The following ZNF157 variants were observed in gnomAD, a reference collection of about 807,000 sequenced individuals.
The protein encoded by ZNF157 is zinc finger protein 22.
In ZNF157, 8 loss-of-function variants were observed where a neutral mutation model predicts 9.4. That is an observed-to-expected ratio of 0.85 (90% CI 0.50 to 1.53). The LOEUF (loss-of-function observed/expected upper bound fraction) is 1.53, where lower values mean the gene tolerates loss of function less well. ZNF157 is among the 40% of genes most tolerant of loss of function. The probability of loss-of-function intolerance (pLI) is 0.00; values close to 1 mark genes in which losing one functional copy is unlikely to be tolerated. For synonymous variants in ZNF157, 120 were observed against 130.8 expected (o/e 0.92, Z 0.56); for missense variants, 316 against 385.2 (o/e 0.82, Z 1.50).
intron 1 of ZNF157, among the ~76,000 whole-genome samples, chrX:47,407,658 G>T (rs2055951130): frequency 9.0e-6 from 1 of 111,555 alleles, no homozygotes; most frequent in Non-Finnish European, 1.9e-5. Flanking sequence ...AATGTCGTTA[G>T]AGGTATATAG....
intron 1 of ZNF157, among the ~76,000 whole-genome samples, chrX:47,388,084 TTTA>T (rs1319859199): frequency 7.3e-5 from 8 of 108,892 alleles, no homozygotes; most frequent in Non-Finnish European, 1.5e-4. Context: ...TTTTTATTAC[TTTA>T]TTATTATTAT....
chrX:47,402,083 C>A (rs754673659), intron 1 of ZNF157, among the ~76,000 whole-genome samples: 40 of 111,467 alleles, frequency 3.6e-4, no homozygotes, highest in African/African-American at 1.3e-3. Flanking sequence ...TATATAAATC[C>A]TCTAGCTTTT....
chrX:47,401,091 G>A (rs1315600962), intron 1 of ZNF157, among the ~76,000 whole-genome samples: 1 of 111,970 alleles, frequency 8.9e-6, no homozygotes, highest in Non-Finnish European at 1.9e-5. Flanking sequence ...GCATGTCCTC[G>A]TATAAACTGT....
At chrX:47,379,571 C>T (rs773364041) in intron 1 of ZNF157, among the ~76,000 whole-genome samples, 1 of 107,508 alleles carries the variant, frequency 9.3e-6, no homozygotes, top group East Asian at 3.0e-4. Flanking sequence ...GTGCACACCA[C>T]CACAACCGAC....
At chrX:47,379,286 C>T (rs1201845491) in intron 1 of ZNF157, among the ~76,000 whole-genome samples, 1 of 110,797 alleles carries the variant, frequency 9.0e-6, no homozygotes, top group Non-Finnish European at 1.9e-5. Flanking sequence ...AGCCACTGCA[C>T]TTGGCTGGTG....
intron 2 of ZNF157, 131 bp downstream of exon 2, chrX:47,410,533 A>G (rs1305861019): frequency 8.1e-6 from 8 of 981,731 alleles, no homozygotes; most frequent in Non-Finnish European, 1.1e-5. Flanking sequence ...GGCACCAGAA[A>G]AAATGTGTGC....
chrX:47,383,494 A>C (rs1218831028), intron 1 of ZNF157, among the ~76,000 whole-genome samples: 3 of 105,510 alleles, frequency 2.8e-5, no homozygotes, highest in Non-Finnish European at 5.8e-5. Flanking sequence ...CCAGGAATTC[A>C]AAACCAGCCT....
At chrX:47,381,246 G>A (rs1450034875) in intron 1 of ZNF157, among the ~76,000 whole-genome samples, 5 of 110,644 alleles carry the variant, frequency 4.5e-5, no homozygotes, top group Non-Finnish European at 9.5e-5. Flanking sequence ...AGGAGGAGGA[G>A]CAGGGAGCAA....
chrX:47,408,266 T>C, intron 1 of ZNF157, among the ~76,000 whole-genome samples: 1 of 111,086 alleles, frequency 9.0e-6, no homozygotes, highest in South Asian at 3.8e-4. Context: ...TGCACCACCA[T>C]GCCCCGCTAA....
chrX:47,378,705 G>A lies in ZNF157; in HGVS notation c.72+7965G>A, dbSNP rs779039129. On this transcript the variant is annotated intron_variant, in intron 1 of 3. Coordinates refer to ENST00000377073, the MANE Select transcript of ZNF157 (RefSeq NM_003446.4). ...TTATAAAAATTAGCTGGGCGTGGTGGCCTGCACCTGTAATCTCAGCTACTC... is the reference window on the plus strand; with the variant it reads ...TTATAAAAATTAGCTGGGCGTGGTGACCTGCACCTGTAATCTCAGCTACTC... 2.3e-4 allele frequency among the ~76,000 whole-genome samples: 26 copies of A among 111,425 alleles called. 1 individual carries two copies. The highest frequency in any genetic ancestry group is 4.7e-4 in the Non-Finnish European group (25 of 53,104).
intron 1 of ZNF157, among the ~76,000 whole-genome samples, chrX:47,403,112 C>A (rs1014462223): frequency 9.4e-6 from 1 of 106,664 alleles, no homozygotes; most frequent in Non-Finnish European, 1.9e-5. Flanking sequence ...AATACACACA[C>A]ACACACACAC....
At chrX:47,410,994 ATT>A (rs749589277) in intron 3 of ZNF157, among the ~76,000 whole-genome samples, 3 of 101,145 alleles carry the variant, frequency 3.0e-5, no homozygotes, top group Non-Finnish European at 2.0e-5. Context: ...TTTTATCTTG[ATT>A]TTTTTTTTTT....
At chrX:47,382,217 T>A (rs1042977090) in intron 1 of ZNF157, among the ~76,000 whole-genome samples, 2 of 109,886 alleles carry the variant, frequency 1.8e-5, no homozygotes, top group African/African-American at 6.6e-5. Context: ...CTGTCTGTCC[T>A]TTGTCATCCT....
intron 1 of ZNF157, among the ~76,000 whole-genome samples, chrX:47,374,355 G>T (rs2055837123): frequency 9.1e-6 from 1 of 109,487 alleles, no homozygotes; most frequent in African/African-American, 3.3e-5. Context: ...ACAATTGTGG[G>T]ATTGTATGCC....
At chrX:47,380,865 G>A (rs2055859587) in intron 1 of ZNF157, among the ~76,000 whole-genome samples, 1 of 105,173 alleles carries the variant, frequency 9.5e-6, no homozygotes, top group Non-Finnish European at 2.0e-5. Flanking sequence ...AGCAGGAGGA[G>A]GAGAAAGAGA....
chrX:47,408,105 A>T (rs1375166359), intron 1 of ZNF157, among the ~76,000 whole-genome samples: 6 of 102,389 alleles, frequency 5.9e-5, no homozygotes, highest in Non-Finnish European at 6.0e-5. Context: ...GAAGGAAGAA[A>T]TTTTTTTTTT....
At chrX:47,375,288 T>C (rs1381966367) in intron 1 of ZNF157, among the ~76,000 whole-genome samples, 1 of 109,535 alleles carries the variant, frequency 9.1e-6, no homozygotes, top group African/African-American at 3.3e-5. Flanking sequence ...GTGCTGGGAT[T>C]ATAGGCATGA....
intron 1 of ZNF157, among the ~76,000 whole-genome samples, chrX:47,373,648 T>A (rs1463817386): frequency 9.1e-6 from 1 of 110,250 alleles, no homozygotes; most frequent in African/African-American, 3.3e-5. Flanking sequence ...ATCTTCTTTT[T>A]GTTTATATGT....
rs769541152 is a variant in ZNF157, at chrX:47,374,998, CTTTTTTTTTTTT to C, written c.72+4283_72+4294del. Among the ~76,000 whole-genome samples the C allele has an allele frequency of 2.0e-3, 50 of 24,982 alleles. 1 individual carries two copies. The highest frequency in any genetic ancestry group is 3.5e-3 in the South Asian group (1 of 284). 21.7% of individuals were successfully genotyped at this position (24,982 alleles called of 115,157 possible). Reference sequence around the variant, plus strand: ...GTGAGCCCTGAGCCCGGCTGACAATCTTTTTTTTTTTTTTTTTTTTTTTTTTTTTTTTTTTTC... The same window carrying C: ...GTGAGCCCTGAGCCCGGCTGACAATCTTTTTTTTTTTTTTTTTTTTTTTTC... On this transcript the variant is annotated intron_variant, in intron 1 of 3. Coordinates refer to ENST00000377073, the MANE Select transcript of ZNF157 (RefSeq NM_003446.4).
Sources: allele counts gnomAD v4.1 joint callset (sites outside exome capture counted in the v4.1 genomes callset), GRCh38; gene constraint gnomAD v4.1.1; transcripts MANE v1.5; gene names NCBI Gene and HGNC (gene_info 2026-07-23, HGNC 2026-07-21).